Variants in STIM2 observed in about 807,000 individuals in gnomAD.
STIM2 encodes stromal interaction molecule 2.
A neutral mutation model predicts 85.8 loss-of-function variants in STIM2; 31 were observed. That is an observed-to-expected ratio of 0.36 (90% CI 0.27 to 0.49). The LOEUF is 0.49. Ranked by LOEUF, STIM2 falls within the 20% of genes least tolerant of loss-of-function variation. The pLI, the probability that STIM2 is intolerant of heterozygous loss-of-function variation, is 0.98. For missense variants in STIM2, 841 were observed against 927.6 expected (o/e 0.91, Z 1.21); for synonymous variants, 356 against 331.1 (o/e 1.08, Z -0.82).
intron 2 of STIM2, among the ~76,000 whole-genome samples, chr4:26,928,837 T>G (rs1413580607): frequency 6.6e-6 from 1 of 152,236 alleles, no homozygotes; most frequent in East Asian, 1.9e-4. Flanking sequence ...AAACTTAGGC[T>G]TAAAAAGTAG....
intron 1 of STIM2, among the ~76,000 whole-genome samples, chr4:26,901,523 A>G (rs1162481618): frequency 6.6e-6 from 1 of 152,214 alleles, no homozygotes; most frequent in Non-Finnish European, 1.5e-5. Context: ...TTGCAAAGGT[A>G]TAACTTGCGT....
At position 26,995,364 on chromosome 4, in the gene STIM2, T is replaced by G; in HGVS notation, c.398-15T>G. On this transcript the variant is annotated splice_polypyrimidine_tract_variant and intron_variant, in intron 3 of 11. Coordinates refer to ENST00000467087, the MANE Select transcript of STIM2 (RefSeq NM_020860.4). ...GGTGTGTTTAAAATATGCATTCCCC[T>G]TTTATCTCCTGCAGTTCATAATTGG... 5 of 1,472,500 alleles carry G rather than the reference T, an allele frequency of 3.4e-6. No homozygotes were observed. Among genetic ancestry groups the G allele is most frequent in the Non-Finnish European group, 4.6e-6 (5 of 1,085,764 alleles). 91.2% of individuals were successfully genotyped at this position (1,472,500 alleles called of 1,614,324 possible). A position where few individuals can be genotyped will look rare whatever the true frequency, so the allele number is the denominator to read the frequency against.
intron 6 of STIM2, 89 bp from the exon 7 acceptor site, chr4:27,002,838 T>TA (rs1728204108): frequency 8.7e-7 from 1 of 1,144,020 alleles, no homozygotes; most frequent in Admixed American, 3.8e-5. Context: ...AATATGTATT[T>TA]AATCGCTTGA....
intron 1 of STIM2, among the ~76,000 whole-genome samples, chr4:26,863,805 C>T (rs534712363): frequency 6.6e-6 from 1 of 152,140 alleles, no homozygotes; most frequent in East Asian, 1.9e-4. Flanking sequence ...TCTTTGTCTC[C>T]TGATTAAAGT....
intron 3 of STIM2, among the ~76,000 whole-genome samples, chr4:26,960,597 A>G (rs1484060365): frequency 6.6e-6 from 1 of 152,230 alleles, no homozygotes; most frequent in Non-Finnish European, 1.5e-5. Context: ...TTAGTTGGTC[A>G]AATGTTTTGA....
chr4:26,941,690 T>C (rs1188925112), intron 2 of STIM2, among the ~76,000 whole-genome samples: 1 of 152,136 alleles, frequency 6.6e-6, no homozygotes, highest in Admixed American at 6.6e-5. Context: ...CTCCTAATTA[T>C]TGGCTTTCTT....
chr4:27,017,658 T>C (rs767833526), intron 10 of STIM2, 53 bp from the exon 11 acceptor site: 119 of 1,602,210 alleles, frequency 7.4e-5, no homozygotes, highest in Non-Finnish European at 9.4e-5. Context: ...TTGTGGTGAC[T>C]GTAAAGGGAA....
intron 2 of STIM2, among the ~76,000 whole-genome samples, chr4:26,955,671 A>G (rs1560218881): frequency 6.7e-6 from 1 of 148,420 alleles, no homozygotes; most frequent in Non-Finnish European, 1.5e-5. Flanking sequence ...AGAGCAGACA[A>G]CAGATTACAT....
At chr4:26,952,564 G>A (rs1433449174) in intron 2 of STIM2, among the ~76,000 whole-genome samples, 1 of 152,040 alleles carries the variant, frequency 6.6e-6, no homozygotes, top group Non-Finnish European at 1.5e-5. Flanking sequence ...CCATTTTGCA[G>A]GGGAGAAAAC....
chr4:27,019,623 G>T, intron 11 of STIM2: 2 of 508,102 alleles, frequency 3.9e-6, no homozygotes, highest in South Asian at 3.6e-5. Context: ...TTCATTTTCA[G>T]TCTCTCCTCT....
At chr4:26,985,207 A>C (rs1218225058) in intron 3 of STIM2, among the ~76,000 whole-genome samples, 1 of 152,218 alleles carries the variant, frequency 6.6e-6, no homozygotes, top group Non-Finnish European at 1.5e-5. Context: ...TTAGGATGAA[A>C]TGTGAAAGGC....
At chr4:27,021,395 T>C in intron 11 of STIM2, 2 of 444,848 alleles carry the variant, frequency 4.5e-6, no homozygotes, top group Non-Finnish European at 9.1e-6. Flanking sequence ...CTGCGTACCC[T>C]GGAGAAGTAA....
At chr4:26,911,388 A>T (rs995831492) in intron 1 of STIM2, among the ~76,000 whole-genome samples, 2 of 152,192 alleles carry the variant, frequency 1.3e-5, no homozygotes, top group African/African-American at 4.8e-5. Flanking sequence ...GTCCAGGTAA[A>T]TTAGCAGGTA....
At chr4:26,923,377 A>G (rs1724884605) in intron 2 of STIM2, among the ~76,000 whole-genome samples, 1 of 152,132 alleles carries the variant, frequency 6.6e-6, no homozygotes, top group Admixed American at 6.5e-5. Flanking sequence ...CTGGATGGAG[A>G]ATGATTTTGA....
chr4:26,999,359 C>T lies in STIM2; in HGVS notation c.625+12C>T. 6.5e-7 allele frequency: 1 copy of T among 1,539,220 alleles called. No homozygotes were observed. The highest frequency in any genetic ancestry group is 1.4e-5 in the African/African-American group (1 of 72,214). On this transcript the variant is annotated intron_variant, in intron 5 of 11. Coordinates refer to ENST00000467087, the MANE Select transcript of STIM2 (RefSeq NM_020860.4). ...TGGACCTCTAACACGTTAGTATTCT[C>T]TCTCACTCAGAGGATGATGTAAAAG...
intron 2 of STIM2, among the ~76,000 whole-genome samples, chr4:26,947,841 A>T (rs919745713): frequency 6.6e-6 from 1 of 152,216 alleles, no homozygotes; most frequent in Non-Finnish European, 1.5e-5. Context: ...TCCAGAGGCA[A>T]CTTGACTCTG....
At chr4:26,971,783 A>T (rs775971780) in intron 3 of STIM2, among the ~76,000 whole-genome samples, 1 of 152,148 alleles carries the variant, frequency 6.6e-6, no homozygotes, top group Non-Finnish European at 1.5e-5. Flanking sequence ...GAAGAAAGTC[A>T]TTGGTAGCTT....
At chr4:26,935,320 T>C (rs979333756) in intron 2 of STIM2, among the ~76,000 whole-genome samples, 27 of 152,308 alleles carry the variant, frequency 1.8e-4, no homozygotes, top group Admixed American at 2.6e-4. Context: ...TTACCTCTTC[T>C]TTGTTTACGT....
intron 1 of STIM2, among the ~76,000 whole-genome samples, chr4:26,876,472 A>G (rs941680529): frequency 2.0e-5 from 3 of 152,112 alleles, no homozygotes; most frequent in African/African-American, 4.8e-5. Flanking sequence ...ACTCTTATCA[A>G]TCTCTAGATC....
Sources: allele counts gnomAD v4.1 joint callset (sites outside exome capture counted in the v4.1 genomes callset), GRCh38; gene constraint gnomAD v4.1.1; transcripts MANE v1.5; gene names NCBI Gene and HGNC (gene_info 2026-07-23, HGNC 2026-07-21).